Variants in MTMR9 observed in about 807,000 individuals in gnomAD.
MTMR9 encodes the protein myotubularin-related protein 9.
MTMR9 carries 39 observed loss-of-function variants against 69.5 expected under a neutral mutation model. The ratio of observed to expected loss-of-function variants is 0.56; its 90% CI spans 0.43 to 0.73. The LOEUF is 0.73. Ranked by LOEUF, MTMR9 falls within the 30% of genes least tolerant of loss-of-function variation. The pLI, the probability that MTMR9 is intolerant of heterozygous loss-of-function variation, is 0.00. For missense variants in MTMR9, 900 were observed against 671.2 expected, an observed-to-expected ratio of 1.34 and a Z score of -3.77; for synonymous variants, 354 against 240.8, an observed-to-expected ratio of 1.47 and a Z score of -4.35.
chr8:11,310,575 A>G (rs942792111), intron 6 of MTMR9, among the ~76,000 whole-genome samples: 4 of 152,218 alleles, frequency 2.6e-5, no homozygotes, highest in African/African-American at 9.6e-5. Flanking sequence ...CAAGATTGCC[A>G]GGCTATCCCT....
At chr8:11,293,494 C>T (rs78445917) in intron 1 of MTMR9, among the ~76,000 whole-genome samples, 1 of 151,982 alleles carries the variant, frequency 6.6e-6, no homozygotes, top group Non-Finnish European at 1.5e-5. Context: ...ACAGGAATGC[C>T]CCGTGGCTTA....
At chr8:11,289,848 C>T (rs1353693695) in intron 1 of MTMR9, among the ~76,000 whole-genome samples, 2 of 152,186 alleles carry the variant, frequency 1.3e-5, no homozygotes, top group East Asian at 3.8e-4. Context: ...GCATAGGATT[C>T]CAAAGTATCT....
At chr8:11,294,525 G>A in intron 1 of MTMR9, among the ~76,000 whole-genome samples, 1 of 79,308 alleles carries the variant, frequency 1.3e-5, no homozygotes, top group African/African-American at 1.8e-4. Flanking sequence ...TTTTGAGACA[G>A]AGTCTCAACT....
At chr8:11,318,359 G>T (rs1292768630) in intron 8 of MTMR9, 1 of 152,228 alleles carries the variant, frequency 6.6e-6, no homozygotes, top group Admixed American at 6.5e-5. Context: ...TGGTTCCTGG[G>T]AACATAGCGT....
Position 11,322,872 on chromosome 8 carries a change from C to A in MTMR9, c.*84C>A. 2 of 1,310,018 alleles carry A rather than the reference C, an allele frequency of 1.5e-6. No homozygotes were observed. Among genetic ancestry groups the A allele is most frequent in the South Asian group, 2.9e-5 (2 of 69,708 alleles). The allele number at this position is 1,310,018 out of a possible 1,614,324, so 81.1% of individuals were successfully genotyped here. ...TTGTGCCCTTCAGTTCACTTTTACA[C>A]GGTAGCCTTGAAGTGAAGGCTTTAG... is the stretch of plus-strand genomic sequence containing the variant. On this transcript the variant is annotated 3_prime_UTR_variant, in exon 10 of 10. Coordinates refer to ENST00000221086, the MANE Select transcript of MTMR9 (RefSeq NM_015458.4).
chr8:11,320,093 G>A (rs545886438), intron 9 of MTMR9: 1 of 392,964 alleles, frequency 2.5e-6, no homozygotes, highest in East Asian at 4.6e-5. Context: ...TATTTTTCTA[G>A]ATAAGAAAGT....
intron 5 of MTMR9, 37 bp from the exon 6 acceptor site, chr8:11,309,490 C>A: frequency 6.5e-7 from 1 of 1,548,312 alleles, no homozygotes; most frequent in Non-Finnish European, 8.8e-7. Context: ...TTTCTATTTT[C>A]TGGGTTTGTT....
chr8:11,312,809 T>A (rs956010490), intron 6 of MTMR9, among the ~76,000 whole-genome samples: 14 of 152,340 alleles, frequency 9.2e-5, no homozygotes, highest in African/African-American at 3.1e-4. Flanking sequence ...GAAATTACTC[T>A]TTGATCCATG....
rs1165954387 is a variant in MTMR9 at position 11,324,573 on chromosome 8, TG to T, written c.*1786del. ...TGTGCTCCCTCAGAATTGCTTGCTA[TG>T]TCTGTTAATACAGCTGAGCTTTTTG... On this transcript the variant is annotated 3_prime_UTR_variant, in exon 10 of 10. Transcript: ENST00000221086. 1 of 152,102 alleles carries T rather than the reference TG, an allele frequency of 6.6e-6. No homozygotes were observed. Among genetic ancestry groups the T allele is most frequent in the African/African-American group, 2.4e-5 (1 of 41,418 alleles). The allele number at this position is 152,102 out of a possible 1,614,324, so 9.4% of individuals were successfully genotyped here. A position where few individuals can be genotyped will look rare whatever the true frequency, so the allele number is the denominator to read the frequency against.
Position 11,304,965 on chromosome 8 carries a change from A to G in MTMR9, c.542A>G (p.His181Arg). 4.3e-6 allele frequency: 7 copies of G among 1,614,056 alleles called. 1 individual carries two copies. Among genetic ancestry groups the G allele is most frequent in the Non-Finnish European group, 5.9e-6 (7 of 1,179,964 alleles). The change falls in exon 4 of 10, where the codon CAT becomes CGT. Residue 181 changes from histidine (H) to arginine (R), a missense_variant. By Grantham distance (29) the His-to-Arg change is conservative. Transcript: ENST00000221086. ...EALRKVATFR[H>R]GGRFPVLSYY... ...CTTCGGAAGGTAGCTACATTTCGAC[A>G]TGGAGGGCGCTTCCCAGTACTAAGC...
intron 6 of MTMR9, among the ~76,000 whole-genome samples, chr8:11,314,002 G>A (rs1171928974): frequency 2.0e-5 from 3 of 152,162 alleles, no homozygotes; most frequent in East Asian, 1.9e-4. Flanking sequence ...ATCCATGAAC[G>A]AGCTATGCCT....
downstream of MTMR9, among the ~76,000 whole-genome samples, chr8:11,329,922 G>C (rs1342152410): frequency 6.6e-6 from 1 of 151,788 alleles, no homozygotes; most frequent in African/African-American, 2.4e-5. Context: ...GCCTCTGCCC[G>C]GCTGCGACCC....
intron 6 of MTMR9, among the ~76,000 whole-genome samples, chr8:11,310,425 A>T (rs1482221469): frequency 6.6e-6 from 1 of 152,180 alleles, no homozygotes; most frequent in Non-Finnish European, 1.5e-5. Context: ...TTGAGACTTT[A>T]ACTTGTTTTA....
At chr8:11,310,820 A>G (rs1800168174) in intron 6 of MTMR9, among the ~76,000 whole-genome samples, 1 of 151,858 alleles carries the variant, frequency 6.6e-6, no homozygotes, top group Non-Finnish European at 1.5e-5. Context: ...ACATTTCTCA[A>G]TTTTGCAGCT....
chr8:11,317,630 T>G (rs1263720707), intron 8 of MTMR9: 2 of 152,136 alleles, frequency 1.3e-5, no homozygotes, highest in Non-Finnish European at 2.9e-5. Flanking sequence ...GCCTGGGGTT[T>G]GGGGATCCCT....
At chr8:11,287,319 C>A (rs1240222902) in intron 1 of MTMR9, among the ~76,000 whole-genome samples, 1 of 152,276 alleles carries the variant, frequency 6.6e-6, no homozygotes, top group South Asian at 2.1e-4. Context: ...GGTTACTTTG[C>A]GCTCATTTGT....
chr8:11,313,941 A>G (rs1036279466), intron 6 of MTMR9, among the ~76,000 whole-genome samples: 3 of 152,232 alleles, frequency 2.0e-5, no homozygotes, highest in African/African-American at 7.2e-5. Context: ...GATAGCTGCA[A>G]ATCTCCCATT....
rs765844945 is a variant in MTMR9 at position 11,304,892 on chromosome 8, T to G, written c.469T>G (p.Ser157Ala). ...YVNKEFAVCP[S>A]YPPIVTVPKS... ...CAATAAGGAATTTGCTGTCTGTCCC[T>G]CTTACCCACCAATTGTCACAGTGCC... Residue 157 changes from serine (S) to alanine (A), a missense_variant, in exon 4 of 10, where the codon TCT becomes GCT. Coordinates refer to ENST00000221086, the MANE Select transcript of MTMR9 (RefSeq NM_015458.4). 3.7e-6 allele frequency: 6 copies of G among 1,614,092 alleles called. No homozygotes were observed. The South Asian group carries it at 6.6e-5, about 18-fold the overall frequency.
chr8:11,309,308 T>A (rs1291786092), intron 5 of MTMR9, among the ~76,000 whole-genome samples: 1 of 152,182 alleles, frequency 6.6e-6, no homozygotes, highest in Non-Finnish European at 1.5e-5. Flanking sequence ...TCTGTTCAGG[T>A]AAGGAATACG....
Sources: allele counts gnomAD v4.1 joint callset (sites outside exome capture counted in the v4.1 genomes callset), GRCh38; gene constraint gnomAD v4.1.1; transcripts MANE v1.5; gene names NCBI Gene and HGNC (gene_info 2026-07-23, HGNC 2026-07-21).